EGF: variants seen among roughly 807,000 people sequenced by gnomAD.
EGF encodes pro-epidermal growth factor.
EGF carries 95 observed loss-of-function variants against 143.8 expected under a neutral mutation model. That is an observed-to-expected ratio of 0.66 (90% CI 0.56 to 0.78). EGF has a LOEUF of 0.78. Ranked by LOEUF, EGF falls within the 30% of genes least tolerant of loss-of-function variation. The pLI, the probability that EGF is intolerant of heterozygous loss-of-function variation, is 0.00. For missense variants in EGF, 1,320 were observed against 1,470.9 expected (o/e 0.90, Z 1.68); for synonymous variants, 510 against 510.5 (o/e 1.00, Z 0.01).
chr4:109,973,851 T>A (rs1748047249), intron 11 of EGF, among the ~76,000 whole-genome samples: 1 of 152,152 alleles, frequency 6.6e-6, no homozygotes, highest in Non-Finnish European at 1.5e-5. Flanking sequence ...GAAATAAGAA[T>A]TTTCTACCCT....
At chr4:109,946,567 C>T (rs1240383088) in intron 5 of EGF, among the ~76,000 whole-genome samples, 1 of 152,150 alleles carries the variant, frequency 6.6e-6, no homozygotes. Flanking sequence ...CACAGTACAC[C>T]TTTCATTGAG....
chr4:109,968,354 C>A (rs951808418), intron 10 of EGF, among the ~76,000 whole-genome samples: 5 of 152,182 alleles, frequency 3.3e-5, no homozygotes, highest in African/African-American at 9.6e-5. Context: ...AAACTGGGAA[C>A]CAGTTTTGAC....
chr4:110,004,384 C>A, intron 21 of EGF, 121 bp from the exon 22 acceptor site: 1 of 834,594 alleles, frequency 1.2e-6, no homozygotes, highest in Non-Finnish European at 2.1e-6. Flanking sequence ...CATATTTCTT[C>A]TCTCCCACAC....
At chr4:109,936,137 G>C (rs190898005) in intron 1 of EGF, among the ~76,000 whole-genome samples, 252 of 152,254 alleles carry the variant, frequency 1.7e-3, no homozygotes, top group African/African-American at 5.8e-3. Flanking sequence ...GCTCCTCTTT[G>C]TACCTCTGGT....
At chr4:109,936,943 G>A (rs568241733) in intron 1 of EGF, among the ~76,000 whole-genome samples, 29 of 152,234 alleles carry the variant, frequency 1.9e-4, no homozygotes, top group African/African-American at 7.0e-4. Context: ...GCTGAGGAGT[G>A]TTTTACTTCC....
At chr4:109,965,145 T>C (rs1746344411) in intron 10 of EGF, among the ~76,000 whole-genome samples, 3 of 152,166 alleles carry the variant, frequency 2.0e-5, no homozygotes, top group Admixed American at 2.0e-4. Context: ...CTTAGTTGTA[T>C]CTGTGCTAGG....
At chr4:109,962,191 CTAACT>C (rs1745815437) in intron 8 of EGF, among the ~76,000 whole-genome samples, 1 of 152,166 alleles carries the variant, frequency 6.6e-6, no homozygotes, top group Non-Finnish European at 1.5e-5. Context: ...AGCATAGCGT[CTAACT>C]TATGAGCAAG....
intron 5 of EGF, among the ~76,000 whole-genome samples, chr4:109,951,305 C>T (rs2126030908): frequency 6.6e-6 from 1 of 152,136 alleles, no homozygotes; most frequent in Middle Eastern, 3.4e-3. Flanking sequence ...TTTCAGTGAG[C>T]CAAGATCAGG....
At chr4:109,993,415 G>C (rs1236363882) in intron 19 of EGF, 46 bp downstream of exon 19, 1 of 1,610,718 alleles carries the variant, frequency 6.2e-7, no homozygotes, top group South Asian at 1.1e-5. Context: ...ACTTGGCTCG[G>C]GGATATTCTA....
intron 3 of EGF, 29 bp downstream of exon 3, chr4:109,943,464 A>G (rs1269504177): frequency 6.3e-7 from 1 of 1,597,588 alleles, no homozygotes; most frequent in South Asian, 1.1e-5. Context: ...AGACATTGAA[A>G]TATATTTACA....
At chr4:109,941,399 C>T (rs1741904119) in intron 2 of EGF, among the ~76,000 whole-genome samples, 1 of 152,064 alleles carries the variant, frequency 6.6e-6, no homozygotes. Flanking sequence ...TTTATTAAGT[C>T]AGATCACCAT....
chr4:109,927,699 G>A (rs911694415), intron 1 of EGF, among the ~76,000 whole-genome samples: 1 of 149,786 alleles, frequency 6.7e-6, no homozygotes, highest in Non-Finnish European at 1.5e-5. Context: ...ACTCCAGCCT[G>A]GGCGACAGAG....
intron 20 of EGF, 146 bp downstream of exon 20, chr4:109,995,026 G>T: frequency 1.1e-6 from 1 of 929,188 alleles, no homozygotes; most frequent in Non-Finnish European, 1.7e-6. Flanking sequence ...TGAACCACGT[G>T]TGTGCACTTC....
intron 16 of EGF, among the ~76,000 whole-genome samples, chr4:109,984,350 C>G (rs2126126512): frequency 6.6e-6 from 1 of 152,070 alleles, no homozygotes; most frequent in East Asian, 1.9e-4. Flanking sequence ...ATGTACGTGG[C>G]TCTGGGTACC....
rs754632385 is a variant in EGF at position 109,963,161 on chromosome 4, T to C, written c.1313-12T>C. 5.4e-5 allele frequency: 87 copies of C among 1,613,652 alleles called. 1 individual carries two copies. The South Asian group carries it at 6.3e-4, about 12-fold the overall frequency. On this transcript the variant is annotated splice_polypyrimidine_tract_variant and intron_variant, in intron 8 of 23. Coordinates refer to ENST00000265171, the MANE Select transcript of EGF (RefSeq NM_001963.6). ...ATGACGTAGCATCATTACTAAGCAA[T>C]TGTTTTTGTAGGTTGTTCCTCACCC...
At chr4:109,946,441 C>T (rs544856435) in intron 5 of EGF, among the ~76,000 whole-genome samples, 2 of 152,310 alleles carry the variant, frequency 1.3e-5, no homozygotes, top group South Asian at 2.1e-4. Context: ...TAGGGTTTTG[C>T]AGTCTCTCTT....
At chr4:109,964,993 C>T (rs2298986) in intron 10 of EGF, among the ~76,000 whole-genome samples, 14,526 of 152,050 alleles carry the variant, frequency 0.096, 852 homozygotes, top group East Asian at 0.19. Context: ...GACCTCTTAA[C>T]CATGAAAATC....
chr4:109,974,652 T>C (rs1385943282), intron 11 of EGF, 51 bp from the exon 12 acceptor site: 1 of 1,367,002 alleles, frequency 7.3e-7, no homozygotes, highest in South Asian at 1.2e-5. Flanking sequence ...GTATTTTTGT[T>C]TGAAAAGTAA....
In EGF at chr4:109,939,581, G is replaced by A. The variant is rs11568872; in HGVS notation, c.128-1365G>A. 3.8e-4 allele frequency among the ~76,000 whole-genome samples: 58 copies of A among 152,306 alleles called. 1 individual carries two copies. Among genetic ancestry groups the A allele is most frequent in the African/African-American group, 1.4e-3 (57 of 41,576 alleles). On this transcript the variant is annotated intron_variant, in intron 1 of 23. Transcript: ENST00000265171. ...AACCAGTCCCAGTGGGATGAACCAGGTACCTCAGTTGGAAATGCAGAAATC... is the reference window on the plus strand; with the variant it reads ...AACCAGTCCCAGTGGGATGAACCAGATACCTCAGTTGGAAATGCAGAAATC...
Sources: gnomAD v4.1 joint callset for allele counts (sites outside exome capture counted in the v4.1 genomes callset) on GRCh38, gnomAD v4.1.1 for gene constraint, MANE v1.5 for transcripts, NCBI Gene and HGNC (gene_info 2026-07-23, HGNC 2026-07-21) for gene names.